Variants in BAIAP2 observed in about 807,000 individuals in gnomAD.
The protein encoded by BAIAP2 is BAR/IMD domain-containing adapter protein 2.
A neutral mutation model predicts 63.0 loss-of-function variants in BAIAP2; 18 were observed. The ratio of observed to expected loss-of-function variants is 0.29; its 90% CI spans 0.20 to 0.42. BAIAP2 has a LOEUF of 0.42. Ranked by LOEUF, BAIAP2 falls within the 10% of genes least tolerant of loss-of-function variation. The probability of loss-of-function intolerance (pLI) is 1.00; values close to 1 mark genes in which losing one functional copy is unlikely to be tolerated. For synonymous variants in BAIAP2, 386 were observed against 307.6 expected (o/e 1.25, Z -2.67); for missense variants, 610 against 734.3 (o/e 0.83, Z 1.96).
chr17:81,116,313 G>C lies in BAIAP2; in HGVS notation c.*474G>C. Reference sequence around the variant, plus strand: ...ACCCTGGCTGGAAGATGAACTTCCCGTAAGCACGTAATTCCCTGCAGGTCC... The same window carrying C: ...ACCCTGGCTGGAAGATGAACTTCCCCTAAGCACGTAATTCCCTGCAGGTCC... On this transcript the variant is annotated 3_prime_UTR_variant, in exon 14 of 14. Coordinates refer to ENST00000428708, the MANE Select transcript of BAIAP2 (RefSeq NM_001144888.2). 6.2e-7 allele frequency: 1 copy of C among 1,612,752 alleles called. No individual in the cohort carries two copies. The highest frequency in any genetic ancestry group is 8.5e-7 in the Non-Finnish European group (1 of 1,179,888).
rs370687334 is a variant in BAIAP2 at position 81,112,260 on chromosome 17, C to CT, written c.1536-3509dup. On this transcript the variant is annotated intron_variant, in intron 13 of 13. Transcript: ENST00000428708. ...CTCAAAGATGAGGCTGGCACAGCCT[C>CT]TGTCAGGGACCACGTCCCTTGGAGG... 1.0e-3 allele frequency among the ~76,000 whole-genome samples: 158 copies of CT among 152,362 alleles called. 1 individual carries two copies. Among genetic ancestry groups the CT allele is most frequent in the African/African-American group, 3.6e-3 (148 of 41,582 alleles).
At chr17:81,049,735 C>G (rs2143945751) in intron 1 of BAIAP2, among the ~76,000 whole-genome samples, 1 of 152,352 alleles carries the variant, frequency 6.6e-6, no homozygotes, top group East Asian at 1.9e-4. Flanking sequence ...CTGCCTGTCA[C>G]TGGCTCCCCT....
intron 3 of BAIAP2, 121 bp from the exon 4 acceptor site, chr17:81,084,711 G>A (rs1176214014): frequency 1.6e-5 from 14 of 891,768 alleles, no homozygotes; most frequent in East Asian, 1.5e-4. Flanking sequence ...CTGACACCCC[G>A]GGGGCCCTGC....
In BAIAP2 at chr17:81,116,573, G is replaced by A. The variant is rs2060549028; in HGVS notation, c.*734G>A. ...TGTCAGGTGCTATGCGGGGTCACCA[G>A]CAGAGTGCCCGCTGGCAGGTGGGGG... On this transcript the variant is annotated 3_prime_UTR_variant, in exon 14 of 14. Coordinates refer to ENST00000428708, the MANE Select transcript of BAIAP2 (RefSeq NM_001144888.2). 2.0e-6 allele frequency: 1 copy of A among 504,974 alleles called. No individual in the cohort carries two copies. Among genetic ancestry groups the A allele is most frequent in the Non-Finnish European group, 3.6e-6 (1 of 279,972 alleles). The allele number at this position is 504,974 out of a possible 1,614,324, so 31.3% of individuals were successfully genotyped here.
At position 81,074,003 on chromosome 17, in the gene BAIAP2, C is replaced by T. The variant is rs187825417; in HGVS notation, c.218-10829C>T. On this transcript the variant is annotated intron_variant, in intron 3 of 13. Coordinates refer to ENST00000428708, the MANE Select transcript of BAIAP2 (RefSeq NM_001144888.2). ...TTCCTAAAATGAGAGAGACTAAAGC[C>T]ACGTGCCAACGCAACACAGCGGGAC... 3.5e-3 allele frequency among the ~76,000 whole-genome samples: 532 copies of T among 152,324 alleles called. 9 individuals carry two copies. The South Asian group carries it at 0.04, about 11-fold the overall frequency.
At chr17:81,098,452 G>A (rs1467944980) in intron 6 of BAIAP2, among the ~76,000 whole-genome samples, 2 of 151,752 alleles carry the variant, frequency 1.3e-5, no homozygotes, top group African/African-American at 2.4e-5. Context: ...TAAAATACAC[G>A]TAACTAATAC....
intron 13 of BAIAP2, among the ~76,000 whole-genome samples, chr17:81,112,968 A>AT (rs2060088701): frequency 1.3e-5 from 2 of 152,094 alleles, no homozygotes; most frequent in Non-Finnish European, 2.9e-5. Context: ...AGGTGGGAGG[A>AT]TTGCTTGAGC....
At chr17:81,079,595 C>A (rs1176972748) in intron 3 of BAIAP2, among the ~76,000 whole-genome samples, 1 of 152,142 alleles carries the variant, frequency 6.6e-6, no homozygotes, top group East Asian at 1.9e-4. Context: ...GTTGGCTGAC[C>A]CATCAGCCTG....
intron 1 of BAIAP2, among the ~76,000 whole-genome samples, chr17:81,047,353 G>A (rs2047960293): frequency 6.6e-6 from 1 of 152,164 alleles, no homozygotes; most frequent in South Asian, 2.1e-4. Flanking sequence ...CTCATGGAGG[G>A]GCTGGGTGAG....
At chr17:81,099,725 G>T (rs548992009) in intron 6 of BAIAP2, among the ~76,000 whole-genome samples, 1 of 151,986 alleles carries the variant, frequency 6.6e-6, no homozygotes, top group Admixed American at 6.6e-5. Context: ...TGTGGCCATC[G>T]GGCATCTCCT....
intron 1 of BAIAP2, among the ~76,000 whole-genome samples, chr17:81,038,505 C>T (rs2046613837): frequency 6.6e-6 from 1 of 152,186 alleles, no homozygotes; most frequent in Non-Finnish European, 1.5e-5. Context: ...CAGACGTGGC[C>T]ATGGCCTTCC....
In BAIAP2 at chr17:81,103,702, C is replaced by T. The variant is rs200833670; in HGVS notation, c.843C>T (p.Pro281=). ...GGGCCAAGCCCCTGCCGGTGCCCCC[C>T]GAGCTGGCACCGTTCGTGGGGGTGA... ...IPGAKPLPVP[P]ELAPFVGRMS... The change falls in exon 8 of 14, where the codon CCC becomes CCT. Residue 281 remains proline, a synonymous_variant. Transcript: ENST00000428708. 71 of 1,592,760 alleles carry T rather than the reference C, an allele frequency of 4.5e-5. No homozygotes were observed. In the African/African-American group the frequency reaches 6.6e-4, roughly 15 times the overall value.
intron 2 of BAIAP2, 166 bp from the exon 3 acceptor site, chr17:81,057,715 G>A (rs1360593285): frequency 1.4e-6 from 2 of 1,394,320 alleles, no homozygotes; most frequent in Admixed American, 6.4e-5. Flanking sequence ...ATCAACAAGA[G>A]ATGGGTTCTG....
chr17:81,039,143 C>T (rs2046736624), intron 1 of BAIAP2, among the ~76,000 whole-genome samples: 2 of 152,232 alleles, frequency 1.3e-5, no homozygotes, highest in South Asian at 2.1e-4. Context: ...TGTTACCCGC[C>T]CTCGCCACCG....
chr17:81,079,573 G>A (rs2054251461), intron 3 of BAIAP2, among the ~76,000 whole-genome samples: 1 of 152,142 alleles, frequency 6.6e-6, no homozygotes, highest in Admixed American at 6.5e-5. Flanking sequence ...CTGGTGGGGT[G>A]AGCTGCCCAG....
At chr17:81,075,645 C>T (rs138158188) in intron 3 of BAIAP2, among the ~76,000 whole-genome samples, 622 of 152,332 alleles carry the variant, frequency 4.1e-3, no homozygotes, top group Non-Finnish European at 7.2e-3. Context: ...ACCCTACCTC[C>T]ACCTGTCCAC....
At chr17:81,112,814 G>T (rs994772896) in intron 13 of BAIAP2, among the ~76,000 whole-genome samples, 2 of 152,222 alleles carry the variant, frequency 1.3e-5, no homozygotes, top group Non-Finnish European at 2.9e-5. Context: ...ACTTAGGGAG[G>T]CTGAGGCGAG....
chr17:81,106,635 C>T (rs2059215983), intron 11 of BAIAP2, 110 bp from the exon 12 acceptor site: 1 of 1,323,644 alleles, frequency 7.6e-7, no homozygotes, highest in Non-Finnish European at 1.1e-6. Context: ...AGCAGCCTCC[C>T]CGCATGTGGC....
intron 8 of BAIAP2, 21 bp from the exon 9 acceptor site, chr17:81,103,886 G>C: frequency 6.2e-7 from 1 of 1,612,206 alleles, no homozygotes; most frequent in Non-Finnish European, 8.5e-7. Flanking sequence ...GCAACAGCCT[G>C]CTCTGCCTGC....
Sources: allele counts gnomAD v4.1 joint callset (sites outside exome capture counted in the v4.1 genomes callset), GRCh38; gene constraint gnomAD v4.1.1; transcripts MANE v1.5; gene names NCBI Gene and HGNC (gene_info 2026-07-23, HGNC 2026-07-21).